Variants in CTBP1 observed in about 807,000 individuals in gnomAD.
CTBP1 encodes the protein C-terminal-binding protein 1.
CTBP1 carries 11 observed loss-of-function variants against 42.1 expected under a neutral mutation model. The ratio of observed to expected loss-of-function variants is 0.26; its 90% confidence interval spans 0.16 to 0.43. The LOEUF (loss-of-function observed/expected upper bound fraction) is 0.43. Among genes scored for constraint, CTBP1 ranks in the 20% least tolerant of loss-of-function variants. The probability of loss-of-function intolerance (pLI) is 1.00; values close to 1 mark genes in which losing one functional copy is unlikely to be tolerated. For missense variants in CTBP1, 399 were observed against 624.3 expected (o/e 0.64, Z 3.85); for synonymous variants, 324 against 277.1 (o/e 1.17, Z -1.68).
At chr4:1,246,506 T>C (rs1732736877) in intron 1 of CTBP1, among the ~76,000 whole-genome samples, 1 of 152,184 alleles carries the variant, frequency 6.6e-6, no homozygotes, top group African/African-American at 2.4e-5. Flanking sequence ...GCACACACCT[T>C]TGACTTGGGC....
chr4:1,243,286 C>T, intron 1 of CTBP1: 1 of 985,452 alleles, frequency 1.0e-6, no homozygotes, highest in African/African-American at 1.7e-5. Context: ...GTGAAGGCCA[C>T]CCTGGCCCTC....
upstream of CTBP1, chr4:1,249,893 C>G: frequency 1.1e-5 from 2 of 185,648 alleles, no homozygotes; most frequent in South Asian, 1.2e-4. Context: ...GCCCTGCCTG[C>G]TACCGGTGAA....
intron 1 of CTBP1, 76 bp from the exon 2 acceptor site, chr4:1,241,595 C>T (rs945155931): frequency 1.4e-6 from 2 of 1,477,366 alleles, no homozygotes; most frequent in Non-Finnish European, 1.8e-6. Context: ...CAGGGAACGC[C>T]TCAGAAGTGG....
chr4:1,216,339 C>A, intron 5 of CTBP1, 134 bp from the exon 6 acceptor site: 2 of 890,946 alleles, frequency 2.2e-6, no homozygotes, highest in Non-Finnish European at 3.4e-6. Context: ...TGTGGTCAAG[C>A]CAAGGTGCCC....
At chr4:1,246,082 G>A (rs1050199524) in intron 1 of CTBP1, among the ~76,000 whole-genome samples, 19 of 152,202 alleles carry the variant, frequency 1.2e-4, no homozygotes, top group Non-Finnish European at 2.5e-4. Context: ...ATGTGTGGCC[G>A]GAGGGGCTTC....
At chr4:1,228,401 T>C in intron 3 of CTBP1, 58 bp from the exon 4 acceptor site, 1 of 1,576,834 alleles carries the variant, frequency 6.3e-7, no homozygotes, top group South Asian at 1.1e-5. Flanking sequence ...GGGCTTGGCC[T>C]TCGGGGGTGG....
chr4:1,222,546 C>T (rs1045141908), intron 5 of CTBP1, among the ~76,000 whole-genome samples: 42 of 152,166 alleles, frequency 2.8e-4, no homozygotes, highest in African/African-American at 9.9e-4. Flanking sequence ...CAGGTCCACC[C>T]TGCACTCCTC....
intron 7 of CTBP1, 21 bp downstream of exon 7, chr4:1,214,322 C>T (rs376846832): frequency 2.8e-4 from 426 of 1,530,778 alleles, no homozygotes; most frequent in Non-Finnish European, 3.6e-4. Flanking sequence ...AGCAGGGGGG[C>T]GGCACTGGCC....
chr4:1,231,252 G>T (rs940418584), intron 3 of CTBP1: 2 of 152,246 alleles, frequency 1.3e-5, no homozygotes, highest in Non-Finnish European at 2.9e-5. Context: ...CCTCGTGGCT[G>T]CCACGTGGCT....
chr4:1,220,724 G>A (rs77735002), intron 5 of CTBP1, among the ~76,000 whole-genome samples: 3,825 of 152,358 alleles, frequency 0.025, 151 homozygotes, highest in African/African-American at 0.077. Context: ...TTCCACAGAG[G>A]AGCCAAGCCA....
intron 4 of CTBP1, among the ~76,000 whole-genome samples, chr4:1,227,878 T>C (rs556733684): frequency 4.1e-4 from 62 of 152,324 alleles, no homozygotes; most frequent in Non-Finnish European, 7.5e-4. Context: ...ATTACAGCCA[T>C]ACACTGACGG....
intron 8 of CTBP1, 117 bp downstream of exon 8, chr4:1,213,361 C>T (rs1728744908): frequency 6.6e-7 from 1 of 1,518,918 alleles, no homozygotes; most frequent in Admixed American, 1.9e-5. Context: ...AGTGAGAGCA[C>T]CACGGGCCCT....
intron 5 of CTBP1, among the ~76,000 whole-genome samples, chr4:1,224,912 T>G (rs532656407): frequency 9.9e-5 from 15 of 151,934 alleles, no homozygotes; most frequent in African/African-American, 3.4e-4. Context: ...GACATCGGTG[T>G]GTGATGTCTG....
chr4:1,236,729 C>A, intron 3 of CTBP1: 1 of 685,960 alleles, frequency 1.5e-6, no homozygotes, highest in Non-Finnish European at 2.7e-6. Flanking sequence ...CCTGATGGGG[C>A]ACAGGGCAAA....
At chr4:1,237,704 C>G in intron 3 of CTBP1, 1 of 458,168 alleles carries the variant, frequency 2.2e-6, no homozygotes, top group Non-Finnish European at 4.3e-6. Flanking sequence ...GGGCTCAGGA[C>G]AAACCCCGTG....
intron 3 of CTBP1, among the ~76,000 whole-genome samples, chr4:1,229,234 G>T (rs1444260941): frequency 6.6e-6 from 1 of 152,176 alleles, no homozygotes; most frequent in African/African-American, 2.4e-5. Flanking sequence ...CGAAGAACCA[G>T]GTGCAGCACT....
intron 4 of CTBP1, 109 bp downstream of exon 4, chr4:1,228,090 G>C (rs1730576323): frequency 1.4e-6 from 2 of 1,461,450 alleles, no homozygotes; most frequent in Middle Eastern, 1.8e-4. Flanking sequence ...AGCCACACCA[G>C]GCAATGTGCA....
intron 1 of CTBP1, among the ~76,000 whole-genome samples, chr4:1,246,100 G>A (rs961466378): frequency 2.0e-5 from 3 of 152,210 alleles, no homozygotes; most frequent in African/African-American, 7.2e-5. Context: ...TTCTGGAAAC[G>A]ATGGTCAGTG....
chr4:1,228,142 C>G, intron 4 of CTBP1, 57 bp downstream of exon 4: 1 of 1,595,898 alleles, frequency 6.3e-7, no homozygotes, highest in South Asian at 1.1e-5. Flanking sequence ...ATGGACGAAG[C>G]AAGACGGGAC....
Sources: gnomAD v4.1 joint callset for allele counts (sites outside exome capture counted in the v4.1 genomes callset) on GRCh38, gnomAD v4.1.1 for gene constraint, MANE v1.5 for transcripts, NCBI Gene and HGNC (gene_info 2026-07-23, HGNC 2026-07-21) for gene names.